CNTRL: variants seen among roughly 807,000 people sequenced by gnomAD.
CNTRL encodes centriolin.
A neutral mutation model predicts 303.7 loss-of-function variants in CNTRL; 233 were observed. The ratio of observed to expected loss-of-function variants is 0.77; its 90% CI spans 0.69 to 0.86. The LOEUF is 0.86. CNTRL is among the 40% of genes least tolerant of loss of function. CNTRL has a pLI of 0.00. For synonymous variants in CNTRL, 900 were observed against 922.2 expected (o/e 0.98, Z 0.44); for missense variants, 2,524 against 2,650.6 (o/e 0.95, Z 1.05).
intron 28 of CNTRL, 34 bp from the exon 29 acceptor site, chr9:121,157,706 C>T (rs761540001): frequency 6.2e-7 from 1 of 1,610,198 alleles, no homozygotes; most frequent in Middle Eastern, 1.7e-4. Flanking sequence ...GGTAAGTCTA[C>T]AGGACCTGGG....
At chr9:121,146,308 G>A (rs756461727) in intron 23 of CNTRL, 52 bp downstream of exon 23, 16 of 1,555,758 alleles carry the variant, frequency 1.0e-5, no homozygotes, top group Admixed American at 4.1e-5. Context: ...TGAAGAAAGT[G>A]TGACATTGTC....
chr9:121,143,375 C>T (rs1291731803), intron 19 of CNTRL, among the ~76,000 whole-genome samples: 2 of 152,214 alleles, frequency 1.3e-5, no homozygotes, highest in African/African-American at 2.4e-5. Flanking sequence ...CACTTCTACT[C>T]ATGACCCTGC....
intron 36 of CNTRL, among the ~76,000 whole-genome samples, chr9:121,166,709 C>T (rs73660411): frequency 2.2e-3 from 330 of 152,292 alleles, no homozygotes; most frequent in African/African-American, 7.7e-3. Context: ...AAGTTCTAGA[C>T]TTCAGTTTCT....
intron 43 of CNTRL, 53 bp from the exon 44 acceptor site, chr9:121,177,110 C>CTGTT (rs2053559502): frequency 1.4e-6 from 2 of 1,462,738 alleles, no homozygotes; most frequent in African/African-American, 2.8e-5. Flanking sequence ...TTAGTTAAGA[C>CTGTT]TGTTTTTACT....
intron 12 of CNTRL, among the ~76,000 whole-genome samples, chr9:121,122,672 C>T (rs1370302987): frequency 6.6e-6 from 1 of 152,158 alleles, no homozygotes; most frequent in African/African-American, 2.4e-5. Flanking sequence ...AGGAGACATG[C>T]AAGTCATTTG....
intron 15 of CNTRL, among the ~76,000 whole-genome samples, chr9:121,136,345 C>G (rs2051191932): frequency 3.3e-5 from 5 of 151,982 alleles, no homozygotes; most frequent in Admixed American, 2.6e-4. Context: ...GAGTCTTGCT[C>G]TGTTGCTAGG....
intron 26 of CNTRL, among the ~76,000 whole-genome samples, chr9:121,153,456 A>G (rs767840227): frequency 2.0e-5 from 3 of 151,772 alleles, no homozygotes; most frequent in Non-Finnish European, 2.9e-5. Flanking sequence ...CCTAACTCCA[A>G]CTTGTCTTCA....
intron 7 of CNTRL, among the ~76,000 whole-genome samples, chr9:121,102,300 A>G (rs2049216610): frequency 6.6e-6 from 1 of 152,186 alleles, no homozygotes; most frequent in Non-Finnish European, 1.5e-5. Flanking sequence ...AGACAAAACC[A>G]TATTATTATC....
At chr9:121,132,855 C>T (rs777968997) in intron 14 of CNTRL, among the ~76,000 whole-genome samples, 1 of 152,184 alleles carries the variant, frequency 6.6e-6, no homozygotes, top group Non-Finnish European at 1.5e-5. Context: ...TAAGGCTATT[C>T]CTTTCTGTTT....
At chr9:121,123,617 A>C (rs2133443183) in intron 12 of CNTRL, among the ~76,000 whole-genome samples, 1 of 152,066 alleles carries the variant, frequency 6.6e-6, no homozygotes, top group East Asian at 1.9e-4. Context: ...TAAATAAATA[A>C]ATAAAAAAGA....
intron 2 of CNTRL, among the ~76,000 whole-genome samples, chr9:121,085,357 A>T (rs1467147990): frequency 6.6e-6 from 1 of 152,204 alleles, no homozygotes; most frequent in Non-Finnish European, 1.5e-5. Context: ...ATAGAAATTC[A>T]TGAAGCTATA....
At chr9:121,143,278 A>G (rs2134025955) in intron 19 of CNTRL, among the ~76,000 whole-genome samples, 1 of 152,244 alleles carries the variant, frequency 6.6e-6, no homozygotes, top group East Asian at 1.9e-4. Flanking sequence ...TCTGGAATAT[A>G]TGTCCTTTTT....
chr9:121,118,287 C>A, intron 11 of CNTRL, 59 bp from the exon 12 acceptor site: 1 of 1,261,762 alleles, frequency 7.9e-7, no homozygotes, highest in Non-Finnish European at 1.1e-6. Flanking sequence ...TAGACATTGT[C>A]TTAATAAATC....
intron 26 of CNTRL, among the ~76,000 whole-genome samples, 156 bp downstream of exon 26, chr9:121,152,849 A>T (rs2052356978): frequency 6.6e-6 from 1 of 152,222 alleles, no homozygotes; most frequent in South Asian, 2.1e-4. Context: ...AATGTGGCTG[A>T]TGGAGCTGAG....
At chr9:121,117,760 A>G (rs2050043337) in intron 11 of CNTRL, among the ~76,000 whole-genome samples, 1 of 152,152 alleles carries the variant, frequency 6.6e-6, no homozygotes. Context: ...CGGGTGGATC[A>G]TGAGGTCAGG....
chr9:121,142,496 A>G (rs1009883550), intron 19 of CNTRL, among the ~76,000 whole-genome samples: 13 of 152,242 alleles, frequency 8.5e-5, no homozygotes, highest in Non-Finnish European at 1.9e-4. Context: ...GTAAGGAGTG[A>G]CTTTCAAGTT....
At chr9:121,154,008 G>A (rs571723137) in intron 26 of CNTRL, among the ~76,000 whole-genome samples, 1 of 152,240 alleles carries the variant, frequency 6.6e-6, no homozygotes, top group East Asian at 1.9e-4. Context: ...ATGATAGGGT[G>A]GTAGGATTGC....
At chr9:121,157,696 G>A (rs760662163) in intron 28 of CNTRL, 44 bp from the exon 29 acceptor site, 2 of 1,607,412 alleles carry the variant, frequency 1.2e-6, no homozygotes, top group African/African-American at 1.3e-5. Flanking sequence ...AATAATGCAT[G>A]GTAAGTCTAC....
chr9:121,143,844 A>G (rs2051671408), intron 19 of CNTRL, 59 bp from the exon 20 acceptor site: 3 of 1,391,426 alleles, frequency 2.2e-6, no homozygotes, highest in Non-Finnish European at 3.0e-6. Context: ...TGGAGCTTAC[A>G]TCTGAATTCA....
Sources: gnomAD v4.1 joint callset for allele counts (sites outside exome capture counted in the v4.1 genomes callset) on GRCh38, gnomAD v4.1.1 for gene constraint, MANE v1.5 for transcripts, NCBI Gene and HGNC (gene_info 2026-07-23, HGNC 2026-07-21) for gene names.